The following UBE2E2 variants were observed in gnomAD, a reference collection of about 807,000 sequenced individuals.
UBE2E2 encodes the protein ubiquitin conjugating enzyme E2 E2, also known as ubiquitin-conjugating enzyme E2 E2.
Under a neutral mutation model 24.7 loss-of-function variants are expected in UBE2E2, and 6 were observed. That is an observed-to-expected ratio of 0.24 (90% CI 0.13 to 0.48). UBE2E2 has a LOEUF of 0.48. Among genes scored for constraint, UBE2E2 ranks in the 20% least tolerant of loss-of-function variants. UBE2E2 has a pLI of 0.99. For missense variants in UBE2E2, 169 were observed against 245.0 expected (o/e 0.69, Z 2.07); for synonymous variants, 104 against 83.6 (o/e 1.24, Z -1.33).
At chr3:23,454,934 T>TTATG (rs1230542483) in intron 3 of UBE2E2, among the ~76,000 whole-genome samples, 3 of 152,206 alleles carry the variant, frequency 2.0e-5, no homozygotes, top group African/African-American at 7.2e-5. Flanking sequence ...TTTTGTTTCT[T>TTATG]TATGGGTGTA....
intron 3 of UBE2E2, among the ~76,000 whole-genome samples, chr3:23,467,970 G>T (rs1033428688): frequency 3.3e-5 from 5 of 152,180 alleles, no homozygotes; most frequent in African/African-American, 1.2e-4. Context: ...GGACAGGAAG[G>T]GGGAAGTCTG....
At chr3:23,456,571 C>A (rs775915190) in intron 3 of UBE2E2, among the ~76,000 whole-genome samples, 6 of 152,198 alleles carry the variant, frequency 3.9e-5, no homozygotes, top group African/African-American at 7.2e-5. Context: ...ACATCTCCAC[C>A]AGAGCTCTTC....
At chr3:23,459,291 A>G (rs937507918) in intron 3 of UBE2E2, among the ~76,000 whole-genome samples, 7 of 152,354 alleles carry the variant, frequency 4.6e-5, no homozygotes, top group Middle Eastern at 3.4e-3. Context: ...CAACAAAATG[A>G]ACTTTTTAAT....
chr3:23,584,158 A>G (rs987329517), intron 5 of UBE2E2, among the ~76,000 whole-genome samples: 4 of 152,162 alleles, frequency 2.6e-5, no homozygotes, highest in African/African-American at 9.7e-5. Context: ...CCTTTTCTGC[A>G]TCTGTTGAGA....
intron 3 of UBE2E2, among the ~76,000 whole-genome samples, chr3:23,230,491 T>G (rs1458195457): frequency 6.6e-6 from 1 of 152,124 alleles, no homozygotes; most frequent in African/African-American, 2.4e-5. Context: ...TGAGGTACAT[T>G]GGAGAAGAGT....
intron 5 of UBE2E2, among the ~76,000 whole-genome samples, chr3:23,577,911 G>T (rs2125516652): frequency 6.6e-6 from 1 of 151,298 alleles, no homozygotes; most frequent in Non-Finnish European, 1.5e-5. Flanking sequence ...TACTCTGCCT[G>T]TGCTCTCTGA....
At chr3:23,525,232 A>T (rs1694967112) in intron 4 of UBE2E2, among the ~76,000 whole-genome samples, 1 of 152,068 alleles carries the variant, frequency 6.6e-6, no homozygotes, top group East Asian at 1.9e-4. Context: ...CCCCCATCTC[A>T]AGATTCTCCG....
chr3:23,366,489 C>T (rs1001294260), intron 3 of UBE2E2, among the ~76,000 whole-genome samples: 10 of 152,108 alleles, frequency 6.6e-5, no homozygotes, highest in Admixed American at 4.6e-4. Context: ...GAATGAGATC[C>T]TTCGCTTTGC....
At chr3:23,443,465 G>A (rs1435440271) in intron 3 of UBE2E2, among the ~76,000 whole-genome samples, 1 of 152,174 alleles carries the variant, frequency 6.6e-6, no homozygotes, top group Admixed American at 6.5e-5. Context: ...CATAAACTGT[G>A]CTTTAAGACT....
chr3:23,288,435 G>A (rs762647678), intron 3 of UBE2E2, among the ~76,000 whole-genome samples: 1 of 152,106 alleles, frequency 6.6e-6, no homozygotes. Context: ...GGTCCATTTT[G>A]TCTACAGTGC....
intron 3 of UBE2E2, among the ~76,000 whole-genome samples, chr3:23,393,707 G>T (rs1361271071): frequency 6.6e-6 from 1 of 151,812 alleles, no homozygotes; most frequent in African/African-American, 2.4e-5. Flanking sequence ...GTAGCCAGTG[G>T]GCCACATCTG....
chr3:23,269,966 C>CT lies in UBE2E2; in HGVS notation c.227+52656dup, dbSNP rs1304546477. On this transcript the variant is annotated intron_variant, in intron 3 of 5. Coordinates refer to ENST00000396703, the MANE Select transcript of UBE2E2 (RefSeq NM_152653.4). ...AAACAATACCAGGAATTTGAAATTC[C>CT]TTGAAAATCTTGGTTTAGAGTCCCT... Among the ~76,000 whole-genome samples, 12 of 152,210 alleles carry CT rather than the reference C, an allele frequency of 7.9e-5. 2 individuals are homozygous for CT. The highest frequency in any genetic ancestry group is 2.0e-4 in the Admixed American group (3 of 15,294).
At chr3:23,490,601 G>A (rs1699475052) in intron 3 of UBE2E2, among the ~76,000 whole-genome samples, 1 of 152,118 alleles carries the variant, frequency 6.6e-6, no homozygotes, top group Admixed American at 6.5e-5. Context: ...CACAAAAAGA[G>A]GCAGGGAAGT....
rs1396514219 is a variant in UBE2E2, at chr3:23,253,503, A to G, written c.227+36191A>G. On this transcript the variant is annotated intron_variant, in intron 3 of 5. Transcript: ENST00000396703. Reference sequence around the variant, plus strand: ...ACATAGTGCTGCTGAAACTACTACCATTGCTACTGGACTGTGAAAGGTATA... The same window carrying G: ...ACATAGTGCTGCTGAAACTACTACCGTTGCTACTGGACTGTGAAAGGTATA... Among the ~76,000 whole-genome samples, 4 of 152,222 alleles carry G rather than the reference A, an allele frequency of 2.6e-5. No homozygotes were observed. The East Asian group carries it at 7.7e-4, about 29-fold the overall frequency.
intron 3 of UBE2E2, among the ~76,000 whole-genome samples, chr3:23,399,846 G>T (rs1056214056): frequency 1.3e-5 from 2 of 152,060 alleles, no homozygotes; most frequent in Admixed American, 6.5e-5. Flanking sequence ...TATATTGCTA[G>T]TGTGGAAATG....
intron 3 of UBE2E2, among the ~76,000 whole-genome samples, chr3:23,412,265 G>A (rs1376014666): frequency 2.0e-5 from 3 of 152,050 alleles, no homozygotes; most frequent in Non-Finnish European, 2.9e-5. Context: ...AAACGTATTT[G>A]TGTTTTTAAA....
intron 3 of UBE2E2, among the ~76,000 whole-genome samples, chr3:23,385,231 G>C (rs181096331): frequency 6.6e-6 from 1 of 152,166 alleles, no homozygotes; most frequent in Non-Finnish European, 1.5e-5. Flanking sequence ...GTTTGCAAGC[G>C]ATTGTTTTAG....
intron 3 of UBE2E2, among the ~76,000 whole-genome samples, chr3:23,389,083 T>G (rs1696876636): frequency 6.6e-6 from 1 of 152,082 alleles, no homozygotes; most frequent in Non-Finnish European, 1.5e-5. Context: ...AAACAATGAC[T>G]TGCCTACCCT....
In UBE2E2 at chr3:23,400,607, A is replaced by AACACACACACACACAC. The variant is rs3087043; in HGVS notation, c.228-98981_228-98966dup. 1.8e-3 allele frequency among the ~76,000 whole-genome samples: 250 copies of AACACACACACACACAC among 137,832 alleles called. 2 individuals are homozygous for AACACACACACACACAC. Among genetic ancestry groups the AACACACACACACACAC allele is most frequent in the East Asian group, 0.016 (72 of 4,594 alleles). The allele number at this position is 137,832 out of a possible 152,430, so 90.4% of individuals were successfully genotyped here. A position where few individuals can be genotyped will look rare whatever the true frequency, so the allele number is the denominator to read the frequency against. ...GGTGGACAGAGAGGAGAATAAATGA[A>AACACACACACACACAC]ACACACACACACACACACACACACA... On this transcript the variant is annotated intron_variant, in intron 3 of 5. Transcript: ENST00000396703.
Sources: gnomAD v4.1 joint callset for allele counts (sites outside exome capture counted in the v4.1 genomes callset) on GRCh38, gnomAD v4.1.1 for gene constraint, MANE v1.5 for transcripts, NCBI Gene and HGNC (gene_info 2026-07-23, HGNC 2026-07-21) for gene names.